IDO2: variants seen among roughly 807,000 people sequenced by gnomAD.
IDO2 encodes indoleamine 2,3-dioxygenase 2, also known as indoleamine 2,3-dioxygenase-like 1 protein.
A neutral mutation model predicts 45.1 loss-of-function variants in IDO2; 46 were observed. That is an observed-to-expected ratio of 1.02 (90% CI 0.80 to 1.30). IDO2 has a LOEUF of 1.30. Ranked by LOEUF, IDO2 falls within the 50% of genes most tolerant of loss-of-function variation. IDO2 has a pLI of 0.00. For synonymous variants in IDO2, 218 were observed against 184.9 expected (o/e 1.18, Z -1.45); for missense variants, 544 against 491.8 (o/e 1.11, Z -1.00).
intron 8 of IDO2, among the ~76,000 whole-genome samples, chr8:40,000,888 T>C (rs1374849040): frequency 2.0e-5 from 3 of 152,252 alleles, no homozygotes; most frequent in Non-Finnish European, 4.4e-5. Context: ...CATTAATTCA[T>C]TCATTCAGTC....
At chr8:39,960,112 A>G (rs1422467542) in intron 2 of IDO2, among the ~76,000 whole-genome samples, 4 of 151,972 alleles carry the variant, frequency 2.6e-5, no homozygotes, top group Admixed American at 6.6e-5. Flanking sequence ...TGGGTAATGT[A>G]TAGGTCTATA....
intron 8 of IDO2, among the ~76,000 whole-genome samples, chr8:39,997,279 G>C (rs979461344): frequency 6.6e-6 from 1 of 152,038 alleles, no homozygotes; most frequent in Non-Finnish European, 1.5e-5. Flanking sequence ...ATTTCTGACA[G>C]TAATAAATTG....
chr8:39,944,404 C>G (rs1283487154), intron 1 of IDO2, among the ~76,000 whole-genome samples: 1 of 152,118 alleles, frequency 6.6e-6, no homozygotes, highest in African/African-American at 2.4e-5. Flanking sequence ...CTTTTAGACT[C>G]CCCGTTTTCC....
At chr8:39,958,191 C>T (rs898251489) in intron 2 of IDO2, among the ~76,000 whole-genome samples, 2 of 151,410 alleles carry the variant, frequency 1.3e-5, no homozygotes, top group Non-Finnish European at 2.9e-5. Context: ...AGGCGCGAGC[C>T]ACCGCGCCCA....
At chr8:39,984,690 C>G (rs999181489) in intron 5 of IDO2, among the ~76,000 whole-genome samples, 1 of 152,040 alleles carries the variant, frequency 6.6e-6, no homozygotes, top group East Asian at 1.9e-4. Flanking sequence ...AAAGTACTCC[C>G]CATGTGGTTA....
Position 40,010,081 on chromosome 8 carries a change from A to G in IDO2, c.720-3484A>G, listed in dbSNP as rs78207016. ...TTAATACACAAGTAAATCTAATAAA[A>G]GCGTCATACAATATACATTACAATG... On this transcript the variant is annotated intron_variant, in intron 9 of 10. Coordinates refer to ENST00000502986, the Ensembl canonical transcript of IDO2. 4.4e-3 allele frequency among the ~76,000 whole-genome samples: 664 copies of G among 152,254 alleles called. 4 individuals carry two copies. Among genetic ancestry groups the G allele is most frequent in the African/African-American group, 0.015 (643 of 41,554 alleles).
chr8:40,016,179 G>C (rs1172325202), exon 11 of IDO2: 1 of 397,374 alleles, frequency 2.5e-6, no homozygotes, highest in Non-Finnish European at 4.4e-6. Flanking sequence ...AGCAGTTAAT[G>C]ATATGGGAAC....
rs185846937 is a variant in IDO2, at chr8:39,963,714, C to T, written c.195+11C>T. ...GCTCATGTGGACAAGGTATTCTTCTCTTCACCCCCTCATCACATTCTGTTT... is the reference window on the plus strand; with the variant it reads ...GCTCATGTGGACAAGGTATTCTTCTTTTCACCCCCTCATCACATTCTGTTT... On this transcript the variant is annotated intron_variant, in intron 3 of 10. Transcript: ENST00000502986. 2.6e-5 allele frequency: 39 copies of T among 1,484,012 alleles called. No individual in the cohort carries two copies. The Admixed American group carries it at 2.7e-4, about 10-fold the overall frequency. The allele number at this position is 1,484,012 out of a possible 1,614,324, so 91.9% of individuals were successfully genotyped here.
chr8:40,000,148 T>C (rs748844041), intron 8 of IDO2, among the ~76,000 whole-genome samples: 3 of 152,192 alleles, frequency 2.0e-5, no homozygotes, highest in Non-Finnish European at 4.4e-5. Context: ...GCTTGGTGGA[T>C]CACACCTGTA....
At chr8:39,970,764 CTTTTTTTTT>C (rs766122277) in intron 3 of IDO2, among the ~76,000 whole-genome samples, 20 of 112,456 alleles carry the variant, frequency 1.8e-4, no homozygotes, top group African/African-American at 7.4e-4. Flanking sequence ...CCAACCAGGA[CTTTTTTTTT>C]TTTTTTTTTT....
Position 40,016,172 on chromosome 8 carries a change from A to C in IDO2, c.*570A>C, listed in dbSNP as rs1395795920. 17 of 397,398 alleles carry C rather than the reference A, an allele frequency of 4.3e-5. No individual in the cohort carries two copies. In the East Asian group the frequency reaches 6.1e-4, roughly 14 times the overall value. 24.6% of individuals were successfully genotyped at this position (397,398 alleles called of 1,614,324 possible). A position where few individuals can be genotyped will look rare whatever the true frequency, so the allele number is the denominator to read the frequency against. The stretch of plus-strand genomic sequence containing the variant: ...GGAAGTCACTAGTGTGAAAATGAGC[A>C]GTTAATGATATGGGAACGGATGAGA... On this transcript the variant is annotated 3_prime_UTR_variant, in exon 11 of 11. Coordinates refer to ENST00000502986, the Ensembl canonical transcript of IDO2.
intron 8 of IDO2, among the ~76,000 whole-genome samples, chr8:39,996,117 G>A (rs1802043865): frequency 6.7e-6 from 1 of 149,998 alleles, no homozygotes; most frequent in South Asian, 2.1e-4. Flanking sequence ...TTACTTAGCC[G>A]ACCGGGAAAG....
chr8:39,965,413 G>A (rs939313337), intron 3 of IDO2, among the ~76,000 whole-genome samples: 1 of 152,144 alleles, frequency 6.6e-6, no homozygotes, highest in African/African-American at 2.4e-5. Context: ...CTTGAACCCA[G>A]GAGACAGAGG....
intron 2 of IDO2, among the ~76,000 whole-genome samples, chr8:39,949,801 A>T (rs1279032896): frequency 1.3e-5 from 2 of 152,212 alleles, no homozygotes; most frequent in Non-Finnish European, 2.9e-5. Context: ...TTGACTTGCT[A>T]ATGGTAGAAA....
At chr8:39,971,268 T>A (rs960969985) in intron 3 of IDO2, among the ~76,000 whole-genome samples, 2 of 152,178 alleles carry the variant, frequency 1.3e-5, no homozygotes, top group Non-Finnish European at 2.9e-5. Flanking sequence ...TGATGGCATA[T>A]CTATTTACAG....
At position 39,972,259 on chromosome 8, in the gene IDO2, G is replaced by A. The variant is rs568096992; in HGVS notation, c.196-6808G>A. ...TGAAATGATAAAAAAAAATTAGAAT[G>A]TTCCATAAACATAGTTGATAAAGCA... On this transcript the variant is annotated intron_variant, in intron 3 of 10. Coordinates refer to ENST00000502986, the Ensembl canonical transcript of IDO2. Among the ~76,000 whole-genome samples the A allele has an allele frequency of 6.0e-4, 91 of 152,296 alleles. 2 individuals carry two copies. The South Asian group carries it at 0.018, about 30-fold the overall frequency.
intron 6 of IDO2, chr8:39,987,562 C>T: frequency 4.1e-6 from 1 of 241,374 alleles, no homozygotes; most frequent in Admixed American, 4.9e-5. Flanking sequence ...GGAGAATCAG[C>T]TACATCTCTT....
chr8:39,938,642 C>A (rs59017358), intron 1 of IDO2, among the ~76,000 whole-genome samples: 1 of 151,710 alleles, frequency 6.6e-6, no homozygotes, highest in Non-Finnish European at 1.5e-5. Flanking sequence ...GTCAAGAGAA[C>A]AAAAAGACAA....
At chr8:39,985,118 A>T (rs1808405408) in intron 5 of IDO2, 1 of 308,612 alleles carries the variant, frequency 3.2e-6, no homozygotes, top group Admixed American at 4.8e-5. Flanking sequence ...TTTTAGAGAG[A>T]TGGGGTTTTA....
Sources: gnomAD v4.1 joint callset for allele counts (sites outside exome capture counted in the v4.1 genomes callset) on GRCh38, gnomAD v4.1.1 for gene constraint, MANE v1.5 for transcripts, NCBI Gene and HGNC (gene_info 2026-07-23, HGNC 2026-07-21) for gene names.